ARID3A: variants seen among roughly 807,000 people sequenced by gnomAD.
ARID3A encodes the protein AT-rich interactive domain-containing protein 3A.
ARID3A carries 11 observed loss-of-function variants against 52.7 expected under a neutral mutation model. That is an observed-to-expected ratio of 0.21 (90% CI 0.13 to 0.35). The LOEUF is 0.35. Among genes scored for constraint, ARID3A ranks in the 10% least tolerant of loss-of-function variants. The probability of loss-of-function intolerance (pLI) is 1.00; values close to 1 mark genes in which losing one functional copy is unlikely to be tolerated. For synonymous variants in ARID3A, 404 were observed against 359.4 expected (o/e 1.12, Z -1.40); for missense variants, 721 against 838.5 (o/e 0.86, Z 1.73).
At chr19:945,635 C>G (rs987036106) in intron 3 of ARID3A, among the ~76,000 whole-genome samples, 1 of 152,174 alleles carries the variant, frequency 6.6e-6, no homozygotes, top group Non-Finnish European at 1.5e-5. Flanking sequence ...CTGAGCCCAC[C>G]AGGGAGGGCC....
rs1280478026 is a variant in ARID3A, at chr19:973,130, CG to C, written c.*1067del. 1 of 6,540 alleles carries C rather than the reference CG, an allele frequency of 1.5e-4. No individual in the cohort carries two copies. The highest frequency in any genetic ancestry group is 4.7e-4 in the Non-Finnish European group (1 of 2,142). 0.4% of individuals were successfully genotyped at this position (6,540 alleles called of 1,614,324 possible). ...TTTTTTTTTTTTTTTTTTTTTGAGACGGAGTTTTGCTCTTGTCGCCCAGGCT... is the reference window on the plus strand; with the variant it reads ...TTTTTTTTTTTTTTTTTTTTTGAGACGAGTTTTGCTCTTGTCGCCCAGGCT... On this transcript the variant is annotated 3_prime_UTR_variant, in exon 9 of 9. Transcript: ENST00000263620.
chr19:953,651 AG>A (rs2037852429), intron 3 of ARID3A, among the ~76,000 whole-genome samples: 1 of 151,784 alleles, frequency 6.6e-6, no homozygotes, highest in African/African-American at 2.4e-5. Context: ...GGGGCTGTGG[AG>A]GGGGCTCTGT....
chr19:937,070 C>G (rs2037452256), intron 3 of ARID3A, among the ~76,000 whole-genome samples: 1 of 152,066 alleles, frequency 6.6e-6, no homozygotes, highest in Non-Finnish European at 1.5e-5. Flanking sequence ...GAGTTTGAGA[C>G]CAGCCTGGCC....
At position 938,521 on chromosome 19, in the gene ARID3A, C is replaced by T. The variant is rs1034018300; in HGVS notation, c.693+5779C>T. ...CCCGGGATGCACCTGCCAGAGAGGA[C>T]CCAGCGGTGTGTGGATGGATGGCCC... On this transcript the variant is annotated intron_variant, in intron 3 of 8. Coordinates refer to ENST00000263620, the MANE Select transcript of ARID3A (RefSeq NM_005224.3). This position sits in a 1 kb window ranked among gnomAD's most constrained non-coding sequence, Gnocchi z 4.0. Among the ~76,000 whole-genome samples the T allele has an allele frequency of 1.2e-4, 19 of 152,328 alleles. No homozygotes were observed. The highest frequency in any genetic ancestry group is 4.6e-4 in the African/African-American group (19 of 41,566).
At chr19:946,549 TCCTG>T (rs1166183929) in intron 3 of ARID3A, among the ~76,000 whole-genome samples, 1 of 151,822 alleles carries the variant, frequency 6.6e-6, no homozygotes, top group East Asian at 1.9e-4. Context: ...CACGCCATTT[TCCTG>T]CCTCAGCCTC....
intron 8 of ARID3A, among the ~76,000 whole-genome samples, chr19:971,373 A>G (rs2038272980): frequency 6.6e-6 from 1 of 152,226 alleles, no homozygotes; most frequent in Admixed American, 6.5e-5. Context: ...GCACTCTGGG[A>G]GGCCAAGGTG....
chr19:966,708 C>G lies in ARID3A; in HGVS notation c.1335C>G (p.Ala445=). 1.2e-6 allele frequency: 2 copies of G among 1,612,120 alleles called. No homozygotes were observed. Among genetic ancestry groups the G allele is most frequent in the Non-Finnish European group, 1.7e-6 (2 of 1,179,586 alleles). ...CAGCTGTGGCCGCACAGGCAGCTGC[C>G]CTGGAACAGCTGCGGGAGAAGCTGG... is the stretch of plus-strand genomic sequence containing the variant. ...AQAAVAAQAA[A]LEQLREKLES... Residue 445 remains alanine (A), a synonymous_variant, in exon 7 of 9, where the codon GCC becomes GCG. Transcript: ENST00000263620.
At chr19:946,731 G>A (rs541495275) in intron 3 of ARID3A, among the ~76,000 whole-genome samples, 3 of 152,026 alleles carry the variant, frequency 2.0e-5, no homozygotes, top group Non-Finnish European at 2.9e-5. Flanking sequence ...GTGAGCCACC[G>A]TCCCCGGCTA....
At chr19:956,167 C>T (rs2037912658) in intron 3 of ARID3A, among the ~76,000 whole-genome samples, 1 of 152,154 alleles carries the variant, frequency 6.6e-6, no homozygotes, top group Admixed American at 6.5e-5. Flanking sequence ...ATGGCGTTCA[C>T]CCCAGGACAG....
intron 6 of ARID3A, among the ~76,000 whole-genome samples, chr19:966,015 G>C (rs1288771700): frequency 2.1e-5 from 3 of 146,242 alleles, no homozygotes; most frequent in African/African-American, 7.5e-5. Context: ...AAAAAAATTA[G>C]CTTAGTGTGG....
At chr19:934,261 C>T (rs1018319140) in intron 3 of ARID3A, among the ~76,000 whole-genome samples, 17 of 152,248 alleles carry the variant, frequency 1.1e-4, no homozygotes, top group Admixed American at 7.8e-4. Context: ...GAATGGGACC[C>T]CCTGACCCTG....
intron 1 of ARID3A, among the ~76,000 whole-genome samples, chr19:926,276 A>AG (rs1201737225): frequency 3.8e-5 from 4 of 104,950 alleles, no homozygotes; most frequent in Non-Finnish European, 1.0e-4. Flanking sequence ...TGGAAGCCAA[A>AG]GAAGGGGGTC....
In ARID3A at chr19:929,314, C is replaced by A; in HGVS notation, c.-215C>A. ...ATGCCAGCCTCTGTCCCCTGGAGCC[C>A]AGCGTGAGGAAGAGGCATGCCCCAT... is the stretch of plus-strand genomic sequence containing the variant. On this transcript the variant is annotated 5_prime_UTR_variant, in exon 2 of 9. Coordinates refer to ENST00000263620, the MANE Select transcript of ARID3A (RefSeq NM_005224.3). This position sits in a 1 kb window ranked among gnomAD's most constrained non-coding sequence, Gnocchi z 6.2. The A allele has an allele frequency of 2.0e-6, 1 of 500,792 alleles. No individual in the cohort carries two copies. The highest frequency in any genetic ancestry group is 2.8e-6 in the Non-Finnish European group (1 of 353,296). The allele number at this position is 500,792 out of a possible 1,614,324, so 31.0% of individuals were successfully genotyped here. A position where few individuals can be genotyped will look rare whatever the true frequency, so the allele number is the denominator to read the frequency against.
chr19:928,385 G>A (rs1428718971), intron 1 of ARID3A: 1 of 152,226 alleles, frequency 6.6e-6, no homozygotes, highest in East Asian at 1.9e-4. Flanking sequence ...ATTAGGACTG[G>A]CCCTGGGTGG....
At chr19:940,793 G>C (rs917780603) in intron 3 of ARID3A, among the ~76,000 whole-genome samples, 1 of 152,154 alleles carries the variant, frequency 6.6e-6, no homozygotes, top group Non-Finnish European at 1.5e-5. Context: ...CCGGCTGCAC[G>C]TGAGCCGCCG....
intron 3 of ARID3A, among the ~76,000 whole-genome samples, chr19:957,638 C>G (rs890468018): frequency 1.3e-5 from 2 of 152,040 alleles, no homozygotes; most frequent in African/African-American, 4.8e-5. Flanking sequence ...CCCAGGAGGT[C>G]GAGACCAGCC....
rs891640505 is a variant in ARID3A at position 938,474 on chromosome 19, G to A, written c.693+5732G>A. On this transcript the variant is annotated intron_variant, in intron 3 of 8. Coordinates refer to ENST00000263620, the MANE Select transcript of ARID3A (RefSeq NM_005224.3). This position sits in a 1 kb window ranked among gnomAD's most constrained non-coding sequence, Gnocchi z 4.0. ...ACTTGTGCACAGTCGCCCGGGGGACGTGTCAGAGCTGGAATTTGACCCCCG... is the reference window on the plus strand; with the variant it reads ...ACTTGTGCACAGTCGCCCGGGGGACATGTCAGAGCTGGAATTTGACCCCCG... Among the ~76,000 whole-genome samples the A allele has an allele frequency of 2.6e-5, 4 of 152,202 alleles. No homozygotes were observed. The highest frequency in any genetic ancestry group is 9.7e-5 in the African/African-American group (4 of 41,440).
intron 3 of ARID3A, among the ~76,000 whole-genome samples, chr19:945,532 G>C (rs377257368): frequency 6.6e-6 from 1 of 152,212 alleles, no homozygotes; most frequent in Non-Finnish European, 1.5e-5. Context: ...CTCCTCCGAG[G>C]CTGCTGCCCA....
chr19:954,775 G>C (rs1012256913), intron 3 of ARID3A, among the ~76,000 whole-genome samples: 2 of 151,340 alleles, frequency 1.3e-5, no homozygotes, highest in Admixed American at 1.3e-4. Flanking sequence ...GGCTGAGAAG[G>C]CCTCGCAGAC....
Sources: allele counts gnomAD v4.1 joint callset (sites outside exome capture counted in the v4.1 genomes callset), GRCh38; gene constraint gnomAD v4.1.1; non-coding constraint Gnocchi (gnomAD v3.1); transcripts MANE v1.5; gene names NCBI Gene and HGNC (gene_info 2026-07-23, HGNC 2026-07-21).